The following STYXL2 variants were observed in gnomAD, a reference collection of about 807,000 sequenced individuals.
STYXL2 encodes serine/threonine/tyrosine interacting like 2, also known as serine/threonine/tyrosine-interacting-like protein 2.
STYXL2 carries 44 observed loss-of-function variants against 52.4 expected under a neutral mutation model. That is an observed-to-expected ratio of 0.84 (90% CI 0.66 to 1.08). STYXL2 has a LOEUF of 1.08. STYXL2 is among the 50% of genes least tolerant of loss of function. The pLI, the probability that STYXL2 is intolerant of heterozygous loss-of-function variation, is 0.00. For synonymous variants in STYXL2, 604 were observed against 586.9 expected (o/e 1.03, Z -0.42); for missense variants, 1,604 against 1,471.7 (o/e 1.09, Z -1.47).
At chr1:167,111,425 C>A (rs1355922041) in intron 2 of STYXL2, among the ~76,000 whole-genome samples, 7 of 144,128 alleles carry the variant, frequency 4.9e-5, no homozygotes, top group Non-Finnish European at 3.0e-5. Flanking sequence ...ATGGAACCAG[C>A]CCAAATGCCC....
intron 2 of STYXL2, among the ~76,000 whole-genome samples, chr1:167,112,036 G>T (rs1171011244): frequency 6.6e-6 from 1 of 152,114 alleles, no homozygotes; most frequent in Admixed American, 6.5e-5. Context: ...AGTAGCCTGT[G>T]AATCTACTCA....
chr1:167,124,618 G>A (rs1178734713), intron 5 of STYXL2, among the ~76,000 whole-genome samples: 2 of 152,158 alleles, frequency 1.3e-5, no homozygotes, highest in African/African-American at 2.4e-5. Context: ...GTCAAGACTC[G>A]CAAAAGCTCC....
At chr1:167,119,552 C>A in intron 5 of STYXL2, 86 bp downstream of exon 5, 2 of 1,161,060 alleles carry the variant, frequency 1.7e-6, no homozygotes, top group Non-Finnish European at 2.5e-6. Flanking sequence ...GATTAGTTGG[C>A]GTGTGTGAGG....
At chr1:167,115,515 A>G (rs1226390243) in intron 3 of STYXL2, among the ~76,000 whole-genome samples, 1 of 152,234 alleles carries the variant, frequency 6.6e-6, no homozygotes, top group African/African-American at 2.4e-5. Context: ...TTGTTTTTAA[A>G]TTGAAAAGAA....
At position 167,128,249 on chromosome 1, in the gene STYXL2, T is replaced by C. The variant is rs1196263049; in HGVS notation, c.3118T>C (p.Tyr1040His). Residue 1040 changes from tyrosine (Y) to histidine (H), a missense_variant, in exon 6 of 6, where the codon TAC becomes CAC. By Grantham distance (83) the Tyr-to-His change is moderately conservative. Transcript: ENST00000361200. ...TTCCCGAGAGGAGAGCCCAGAGCCC[T>C]ACTTCTTCCGCCGGACCCCAGAGTC... ...SSSREESPEP[Y>H]FFRRTPESSE... 1 of 1,614,152 alleles carries C rather than the reference T, an allele frequency of 6.2e-7. No individual in the cohort carries two copies. The highest frequency in any genetic ancestry group is 1.1e-5 in the South Asian group (1 of 91,076).
chr1:167,117,448 T>C lies in STYXL2; in HGVS notation c.326T>C (p.Leu109Pro), dbSNP rs761799923. 1.2e-6 allele frequency: 2 copies of C among 1,612,746 alleles called. No homozygotes were observed. The highest frequency in any genetic ancestry group is 2.2e-5 in the East Asian group (1 of 44,838). ...AGGGAGAAGATGGATGACACCAGCC[T>C]CTATAATACGCCCTGTGTCCTGGAC... ...RVREKMDDTS[L>P]YNTPCVLDLQ... Residue 109 changes from leucine to proline, a missense_variant, in exon 4 of 6, where the codon CTC (leucine) becomes CCC (proline). Transcript: ENST00000361200.
At chr1:167,117,282 A>G (rs1667744371) in intron 3 of STYXL2, 46 bp from the exon 4 acceptor site, 4 of 1,499,336 alleles carry the variant, frequency 2.7e-6, no homozygotes, top group South Asian at 2.4e-5. Context: ...AAGGAAGGCC[A>G]TGATGTTCCT....
At chr1:167,114,919 C>T (rs1306494863) in intron 3 of STYXL2, among the ~76,000 whole-genome samples, 2 of 152,270 alleles carry the variant, frequency 1.3e-5, no homozygotes, top group African/African-American at 2.4e-5. Context: ...GTCTTTTCTT[C>T]CTCTTTTGTG....
At chr1:167,118,256 C>T (rs553408658) in intron 4 of STYXL2, among the ~76,000 whole-genome samples, 12 of 152,180 alleles carry the variant, frequency 7.9e-5, no homozygotes, top group Non-Finnish European at 1.5e-4. Context: ...TCACTCACAT[C>T]CTATTTCTTT....
chr1:167,123,287 C>T (rs1667895376), intron 5 of STYXL2, among the ~76,000 whole-genome samples: 1 of 152,196 alleles, frequency 6.6e-6, no homozygotes, highest in African/African-American at 2.4e-5. Context: ...TCTGGCTGCC[C>T]TTTAGGCTCC....
rs1190215218 is a variant in STYXL2 at position 167,128,551 on chromosome 1, T to C, written c.3420T>C (p.Ala1140=). The part of the protein sequence containing the change: ...EEMDDEAIIA[A]WRRRQEETRT... ...TGGACGATGAAGCCATCATTGCTGC[T>C]TGGAGACGCCGGCAAGAAGAAACCA... The change falls in exon 6 of 6, where the codon GCT becomes GCC. Residue 1140 remains alanine, a synonymous_variant. Transcript: ENST00000361200. 3.7e-6 allele frequency: 6 copies of C among 1,613,648 alleles called. No homozygotes were observed. The highest frequency in any genetic ancestry group is 5.1e-6 in the Non-Finnish European group (6 of 1,180,008).
chr1:167,104,738 T>C (rs752909672), intron 2 of STYXL2, among the ~76,000 whole-genome samples: 5 of 152,212 alleles, frequency 3.3e-5, no homozygotes, highest in African/African-American at 4.8e-5. Flanking sequence ...TTCTCTGAAG[T>C]CACTGAAAAC....
chr1:167,111,272 G>A (rs12119467), intron 2 of STYXL2, among the ~76,000 whole-genome samples: 12,379 of 151,608 alleles, frequency 0.082, 590 homozygotes, highest in East Asian at 0.16. Context: ...ACAGTAGGGA[G>A]ATTCCTTAAA....
intron 2 of STYXL2, among the ~76,000 whole-genome samples, chr1:167,104,346 T>A (rs1667468348): frequency 6.6e-6 from 1 of 152,208 alleles, no homozygotes; most frequent in Non-Finnish European, 1.5e-5. Context: ...AGATCTGAAC[T>A]TTTCAAGACT....
At chr1:167,105,240 A>G (rs944639879) in intron 2 of STYXL2, among the ~76,000 whole-genome samples, 2 of 149,100 alleles carry the variant, frequency 1.3e-5, no homozygotes, top group Non-Finnish European at 2.9e-5. Context: ...TTTATGATAC[A>G]TGGATTGGTC....
rs1667978053 is a variant in STYXL2 at position 167,126,695 on chromosome 1, A to G, written c.1564A>G (p.Ser522Gly). ...GSRVREDDED[S>G]VGSEASSFYN... ...CAGGGTGCGGGAGGATGATGAGGACAGCGTGGGCTCTGAGGCCAGTTCCTT... is the reference window on the plus strand; with the variant it reads ...CAGGGTGCGGGAGGATGATGAGGACGGCGTGGGCTCTGAGGCCAGTTCCTT... The change falls in exon 6 of 6, where the codon AGC becomes GGC. Residue 522 changes from serine (S) to glycine (G), a missense_variant. Ser to Gly is a moderately conservative substitution (Grantham distance 56). Transcript: ENST00000361200. The G allele has an allele frequency of 1.2e-6, 2 of 1,614,108 alleles. No individual in the cohort carries two copies. The highest frequency in any genetic ancestry group is 2.7e-5 in the African/African-American group (2 of 74,940).
At chr1:167,108,651 A>G (rs1243893132) in intron 2 of STYXL2, among the ~76,000 whole-genome samples, 1 of 152,122 alleles carries the variant, frequency 6.6e-6, no homozygotes, top group East Asian at 1.9e-4. Flanking sequence ...GGGGGGAAAA[A>G]TGGCAGATAG....
chr1:167,117,937 C>G (rs1376871184), intron 4 of STYXL2, among the ~76,000 whole-genome samples: 1 of 152,128 alleles, frequency 6.6e-6, no homozygotes, highest in Non-Finnish European at 1.5e-5. Context: ...ATGTAATTAC[C>G]AACATTGGAA....
chr1:167,128,286 AAGAGT>A lies in STYXL2; in HGVS notation c.3156_3160del (p.Glu1052AspfsTer28), dbSNP rs1668020439. 1 of 1,614,054 alleles carries A rather than the reference AAGAGT, an allele frequency of 6.2e-7. No individual in the cohort carries two copies. Among genetic ancestry groups the A allele is most frequent in the Non-Finnish European group, 8.5e-7 (1 of 1,180,026 alleles). On this transcript the variant is annotated frameshift_variant, in exon 6 of 6. Coordinates refer to ENST00000361200, the MANE Select transcript of STYXL2 (RefSeq NM_001080426.3). LOFTEE classifies it high-confidence loss of function. ...CGGACCCCAGAGTCCTCAGAAAGGG[AAGAGT>A]CCCCAGAACCACAGCGCCCAAATTG...
Sources: gnomAD v4.1 joint callset for allele counts (sites outside exome capture counted in the v4.1 genomes callset) on GRCh38, gnomAD v4.1.1 for gene constraint, MANE v1.5 for transcripts, NCBI Gene and HGNC (gene_info 2026-07-23, HGNC 2026-07-21) for gene names.